INTS3: variants seen among roughly 807,000 people sequenced by gnomAD.
INTS3 encodes SOSS complex subunit A.
INTS3 carries 34 observed loss-of-function variants against 146.3 expected under a neutral mutation model. That is an observed-to-expected ratio of 0.23 (90% CI 0.18 to 0.31). The LOEUF is 0.31. Ranked by LOEUF, INTS3 falls within the 10% of genes least tolerant of loss-of-function variation. The pLI is 1.00. For synonymous variants in INTS3, 475 were observed against 494.9 expected (o/e 0.96, Z 0.53); for missense variants, 757 against 1,304.2 (o/e 0.58, Z 6.46).
intron 5 of INTS3, chr1:153,747,796 T>C (rs1167947975): frequency 5.0e-6 from 1 of 200,190 alleles, no homozygotes; most frequent in Non-Finnish European, 1.0e-5. Flanking sequence ...AGCCCTTTAC[T>C]GGGGCCAGAA....
Position 153,754,731 on chromosome 1 carries a change from A to G in INTS3, c.949A>G (p.Thr317Ala), listed in dbSNP as rs779979233. 2 of 1,603,876 alleles carry G rather than the reference A, an allele frequency of 1.2e-6. No individual in the cohort carries two copies. The highest frequency in any genetic ancestry group is 1.1e-5 in the South Asian group (1 of 90,866). Residue 317 changes from threonine (T) to alanine (A), a missense_variant, in exon 9 of 30, where the codon ACA becomes GCA. Physicochemically the swap from Thr to Ala is moderately conservative, Grantham distance 58. Coordinates refer to ENST00000318967, the MANE Select transcript of INTS3 (RefSeq NM_023015.5). ...CATGGAGACTAAACTCCTCTTCATG[A>G]CATCCCGGGTAAGCTAAGGTGTTGC... ...PDMETKLLFMTSRVRFGQQKR... is the reference protein window; with the variant it reads ...PDMETKLLFMASRVRFGQQKR...
At chr1:153,746,708 A>G in intron 3 of INTS3, 1 of 432,638 alleles carries the variant, frequency 2.3e-6, no homozygotes, top group South Asian at 3.9e-5. Context: ...GCTGCCCAGC[A>G]GGCTTTTCTG....
At chr1:153,755,900 C>T (rs1383378938) in intron 9 of INTS3, among the ~76,000 whole-genome samples, 3 of 152,050 alleles carry the variant, frequency 2.0e-5, no homozygotes, top group African/African-American at 2.4e-5. Context: ...TTTCGCTGGG[C>T]GTGGTGGCAC....
chr1:153,739,532 C>T (rs2101785775), intron 1 of INTS3, among the ~76,000 whole-genome samples: 1 of 151,888 alleles, frequency 6.6e-6, no homozygotes, highest in African/African-American at 2.4e-5. Flanking sequence ...CGGGGTTTCT[C>T]CATGTTCGTC....
chr1:153,743,505 A>G (rs1331609973), intron 3 of INTS3, among the ~76,000 whole-genome samples: 1 of 152,180 alleles, frequency 6.6e-6, no homozygotes, highest in African/African-American at 2.4e-5. Context: ...TGGGATTAGG[A>G]TGGATTGAAC....
chr1:153,772,421 G>C lies in INTS3; in HGVS notation c.2802G>C (p.Leu934=), dbSNP rs1283580398. ...LEHLDNLRLN[L]TNTKQNFFSQ... ...ACTTGGACAATCTGCGGCTCAACCT[G>C]ACCAACACCAAGCAGAACTGTATGC... is the stretch of plus-strand genomic sequence containing the variant. Residue 934 remains leucine, a synonymous_variant, in exon 27 of 30, where the codon CTG becomes CTC. Transcript: ENST00000318967. The surrounding 1 kb of genome is among the most constrained non-coding windows in gnomAD (Gnocchi z 4.6). 3.1e-6 allele frequency: 5 copies of C among 1,613,978 alleles called. No individual in the cohort carries two copies. The highest frequency in any genetic ancestry group is 2.7e-5 in the African/African-American group (2 of 74,900).
intron 24 of INTS3, 74 bp from the exon 25 acceptor site, chr1:153,770,611 G>A: frequency 8.0e-7 from 1 of 1,252,424 alleles, no homozygotes; most frequent in South Asian, 1.2e-5. Flanking sequence ...GGCTGTTGGG[G>A]GATGAGAGAG....
In INTS3 at chr1:153,773,077, C is replaced by T. The variant is rs1315451644; in HGVS notation, c.3047C>T (p.Ala1016Val). ...GAAGAAGAGTCGGGCTCCAGCAGTG[C>T]TTCAGTGAGAACCCAGCCAGTGCAC... ...NAEEESGSSSASEEEDTKPKP... is the reference protein window; with the variant it reads ...NAEEESGSSSVSEEEDTKPKP... Residue 1016 changes from alanine to valine, a missense_variant, in exon 29 of 30, where the codon GCT becomes GTT. Ala to Val is a moderately conservative substitution (Grantham distance 64). Coordinates refer to ENST00000318967, the MANE Select transcript of INTS3 (RefSeq NM_023015.5). The T allele has an allele frequency of 1.2e-6, 2 of 1,614,150 alleles. No homozygotes were observed. The highest frequency in any genetic ancestry group is 8.5e-7 in the Non-Finnish European group (1 of 1,180,028).
rs1268604174 is a variant in INTS3, at chr1:153,752,445, G to A, written c.859+37G>A. 2.5e-6 allele frequency: 4 copies of A among 1,587,308 alleles called. No homozygotes were observed. The East Asian group carries it at 6.8e-5, about 27-fold the overall frequency. On this transcript the variant is annotated intron_variant, in intron 8 of 29. Coordinates refer to ENST00000318967, the MANE Select transcript of INTS3 (RefSeq NM_023015.5). ...CTTAGGCATCCTGTCCTTGAGAGCT[G>A]GGAGTTCAATGTGTATGTCTTGCTT...
intron 14 of INTS3, 101 bp from the exon 15 acceptor site, chr1:153,762,627 C>T: frequency 7.0e-7 from 1 of 1,423,216 alleles, no homozygotes; most frequent in East Asian, 2.3e-5. Flanking sequence ...TGATAAACTC[C>T]TTATTCTCTC....
intron 25 of INTS3, 73 bp downstream of exon 25, chr1:153,770,806 C>T: frequency 2.5e-6 from 3 of 1,177,550 alleles, no homozygotes; most frequent in Non-Finnish European, 3.8e-6. Context: ...TAAAGGGCTT[C>T]TGTCCTCCTC....
intron 17 of INTS3, 79 bp downstream of exon 17, chr1:153,763,965 CT>C: frequency 7.0e-7 from 1 of 1,419,542 alleles, no homozygotes; most frequent in Non-Finnish European, 9.9e-7. Context: ...AGACAACTCA[CT>C]TTTTCCCTCC....
chr1:153,750,187 A>T lies in INTS3; in HGVS notation c.585-908A>T, dbSNP rs185850408. On this transcript the variant is annotated intron_variant, in intron 6 of 29. Coordinates refer to ENST00000318967, the MANE Select transcript of INTS3 (RefSeq NM_023015.5). ...AATCAGGATGTGGCCTGCTTGGACTAATTAAACACCATCTCATCTTCCTGC... is the reference window on the plus strand; with the variant it reads ...AATCAGGATGTGGCCTGCTTGGACTTATTAAACACCATCTCATCTTCCTGC... 2.0e-4 allele frequency among the ~76,000 whole-genome samples: 31 copies of T among 152,336 alleles called. 1 individual carries two copies. The highest frequency in any genetic ancestry group is 1.7e-3 in the Admixed American group (26 of 15,306).
At chr1:153,736,385 C>T (rs1334673365) in intron 1 of INTS3, among the ~76,000 whole-genome samples, 1 of 152,072 alleles carries the variant, frequency 6.6e-6, no homozygotes, top group African/African-American at 2.4e-5. Context: ...ACCTTATGCT[C>T]TTACACAGGA....
chr1:153,755,874 A>G (rs1672141048), intron 9 of INTS3, among the ~76,000 whole-genome samples: 2 of 152,112 alleles, frequency 1.3e-5, no homozygotes, highest in African/African-American at 4.8e-5. Context: ...CCCCGTCTCT[A>G]CTAAAAATAC....
Position 153,773,196 on chromosome 1 carries a change from G to A in INTS3, c.3055G>A (p.Glu1019Lys), listed in dbSNP as rs765997996. Residue 1019 changes from glutamate to lysine, a missense_variant, in exon 30 of 30, where the codon GAG becomes AAG. Coordinates refer to ENST00000318967, the MANE Select transcript of INTS3 (RefSeq NM_023015.5). Reference protein sequence around the residue: ...EESGSSSASEEEDTKPKPTKR... With the variant: ...EESGSSSASEKEDTKPKPTKR... ...TTTCCCCTCCCATCTCTTCCAGGAA[G>A]AGGAAGACACGAAACCGAAGCCTAC... The A allele has an allele frequency of 6.2e-7, 1 of 1,614,036 alleles. No homozygotes were observed.
intron 23 of INTS3, 136 bp from the exon 24 acceptor site, chr1:153,770,059 GTGT>G (rs144771560): frequency 0.23 from 75,424 of 321,100 alleles, 5,450 homozygotes; most frequent in East Asian, 0.3. Flanking sequence ...GTGGATTGGG[GTGT>G]GTGTGTGTGT....
chr1:153,750,735 T>G (rs150621725), intron 6 of INTS3: 87 of 245,086 alleles, frequency 3.5e-4, no homozygotes, highest in Non-Finnish European at 6.2e-4. Context: ...CTGTCCCTAG[T>G]ACCTCACATG....
Position 153,770,737 on chromosome 1 carries a change from A to G in INTS3, c.2552+4A>G. Reference sequence around the variant, plus strand: ...TGCTTCAACTCCGAAGAGAAAAGTGAGTTCCACTTCTGGGGCTCTTTAGCC... The same window carrying G: ...TGCTTCAACTCCGAAGAGAAAAGTGGGTTCCACTTCTGGGGCTCTTTAGCC... On this transcript the variant is annotated splice_donor_region_variant and intron_variant, in intron 25 of 29. Transcript: ENST00000318967. The G allele has an allele frequency of 6.2e-7, 1 of 1,612,146 alleles. No homozygotes were observed. The highest frequency in any genetic ancestry group is 8.5e-7 in the Non-Finnish European group (1 of 1,178,268).
Sources: allele counts gnomAD v4.1 joint callset (sites outside exome capture counted in the v4.1 genomes callset), GRCh38; gene constraint gnomAD v4.1.1; non-coding constraint Gnocchi (gnomAD v3.1); transcripts MANE v1.5; gene names NCBI Gene and HGNC (gene_info 2026-07-23, HGNC 2026-07-21).